The following PDE1C variants were observed in gnomAD, a reference collection of about 807,000 sequenced individuals.
PDE1C encodes the protein phosphodiesterase 1C.
In PDE1C, 62 loss-of-function variants were observed where a neutral mutation model predicts 93.1. The ratio of observed to expected loss-of-function variants is 0.67; its 90% CI spans 0.54 to 0.82. The LOEUF (loss-of-function observed/expected upper bound fraction) is 0.82, where lower values mean the gene tolerates loss of function less well. Ranked by LOEUF, PDE1C falls within the 40% of genes least tolerant of loss-of-function variation. The probability of loss-of-function intolerance (pLI) is 0.00; values close to 1 mark genes in which losing one functional copy is unlikely to be tolerated. For missense variants in PDE1C, 742 were observed against 884.6 expected (o/e 0.84, Z 2.04); for synonymous variants, 325 against 310.1 (o/e 1.05, Z -0.50).
intron 16 of PDE1C, among the ~76,000 whole-genome samples, chr7:31,778,550 A>G (rs1783173244): frequency 6.6e-6 from 1 of 152,014 alleles, no homozygotes; most frequent in Non-Finnish European, 1.5e-5. Context: ...GATCATAAAC[A>G]TCCTCCAGAT....
chr7:32,421,515 T>C (rs1785431954), intron 1 of PDE1C, among the ~76,000 whole-genome samples: 1 of 152,204 alleles, frequency 6.6e-6, no homozygotes, highest in Non-Finnish European at 1.5e-5. Flanking sequence ...ATCAATACAA[T>C]TTCCATTTTC....
intron 1 of PDE1C, among the ~76,000 whole-genome samples, chr7:32,352,187 C>T (rs1783963106): frequency 5.4e-3 from 1 of 186 alleles, no homozygotes; most frequent in Non-Finnish European, 9.8e-3. Flanking sequence ...TTACCTTGGG[C>T]AGTATGGCCA....
At chr7:31,894,707 A>T (rs1799056795) in intron 2 of PDE1C, among the ~76,000 whole-genome samples, 1 of 152,170 alleles carries the variant, frequency 6.6e-6, no homozygotes, top group African/African-American at 2.4e-5. Context: ...TGTCACCTAA[A>T]ACCCTAGTTC....
chr7:31,895,645 C>T (rs10237932), intron 2 of PDE1C, among the ~76,000 whole-genome samples: 10,421 of 149,260 alleles, frequency 0.07, 481 homozygotes, highest in Admixed American at 0.14. Context: ...TGTGTCCCCA[C>T]CCAATCTCAC....
intron 2 of PDE1C, among the ~76,000 whole-genome samples, chr7:32,171,971 A>G (rs1198849994): frequency 6.6e-6 from 1 of 150,698 alleles, no homozygotes; most frequent in Non-Finnish European, 1.5e-5. Flanking sequence ...TGTAGGCCGT[A>G]TGAGATCTCT....
At chr7:32,415,990 G>A (rs1785268440) in intron 1 of PDE1C, among the ~76,000 whole-genome samples, 2 of 152,186 alleles carry the variant, frequency 1.3e-5, no homozygotes, top group Admixed American at 6.5e-5. Context: ...AGCACAGAGG[G>A]CCCAGGTGCC....
At chr7:31,979,274 G>A (rs1052969528) in intron 2 of PDE1C, among the ~76,000 whole-genome samples, 3 of 152,130 alleles carry the variant, frequency 2.0e-5, no homozygotes, top group Non-Finnish European at 4.4e-5. Flanking sequence ...TTATCTTGGT[G>A]TTGTTACTTA....
chr7:32,033,566 G>A (rs1056892455), intron 2 of PDE1C, among the ~76,000 whole-genome samples: 31 of 151,944 alleles, frequency 2.0e-4, no homozygotes, highest in Admixed American at 1.9e-3. Flanking sequence ...AGTGGTTCCC[G>A]AGCACAGTCA....
chr7:31,823,803 CA>C (rs1789308601), intron 13 of PDE1C, among the ~76,000 whole-genome samples: 1 of 152,082 alleles, frequency 6.6e-6, no homozygotes, highest in African/African-American at 2.4e-5. Context: ...CTAGGTCATG[CA>C]AAAGACCTTA....
the PDE1C span, among the ~76,000 whole-genome samples, chr7:31,720,983 G>A: frequency 6.8e-4 from 104 of 152,156 alleles, 3 homozygotes; most frequent in Non-Finnish European, 2.5e-4. Flanking sequence ...TGCCACAAGA[G>A]GTTTAAAAAC....
the PDE1C span, among the ~76,000 whole-genome samples, chr7:31,666,161 T>C: frequency 2.0e-5 from 3 of 152,334 alleles, no homozygotes; most frequent in African/African-American, 7.2e-5. Context: ...TCTGTAAAGT[T>C]GGATGTTAGC....
chr7:32,207,165 C>T (rs1805634645), intron 2 of PDE1C, among the ~76,000 whole-genome samples: 1 of 152,114 alleles, frequency 6.6e-6, no homozygotes, highest in Non-Finnish European at 1.5e-5. Flanking sequence ...CCAGAAGCAG[C>T]CCTTCCCAAG....
chr7:32,118,949 A>G (rs1209357736), intron 3 of PDE1C, among the ~76,000 whole-genome samples: 1 of 152,238 alleles, frequency 6.6e-6, no homozygotes, highest in Non-Finnish European at 1.5e-5. Flanking sequence ...AACTTCTAGA[A>G]GAATTCCTCC....
intron 2 of PDE1C, among the ~76,000 whole-genome samples, chr7:31,982,543 T>C (rs961531467): frequency 7.9e-5 from 12 of 152,040 alleles, no homozygotes; most frequent in African/African-American, 2.9e-4. Flanking sequence ...ATTTTTTTAA[T>C]TTCCTCTTTT....
intron 3 of PDE1C, among the ~76,000 whole-genome samples, chr7:32,103,814 T>C (rs972588342): frequency 3.3e-5 from 5 of 152,128 alleles, no homozygotes; most frequent in Non-Finnish European, 7.4e-5. Flanking sequence ...GAGTAACTGA[T>C]ATCTACAGCG....
intron 1 of PDE1C, among the ~76,000 whole-genome samples, chr7:32,403,826 T>C (rs1562709193): frequency 1.3e-5 from 2 of 152,208 alleles, no homozygotes; most frequent in African/African-American, 4.8e-5. Flanking sequence ...ACCTGCAGCA[T>C]TGGGAACTGA....
chr7:32,303,039 G>C (rs182132767), upstream of PDE1C, among the ~76,000 whole-genome samples: 2 of 152,186 alleles, frequency 1.3e-5, no homozygotes, highest in East Asian at 3.8e-4. Context: ...TGCTCCTTTG[G>C]CTGTAATTGA....
At chr7:32,125,930 C>T (rs1447993104) in intron 3 of PDE1C, among the ~76,000 whole-genome samples, 1 of 151,758 alleles carries the variant, frequency 6.6e-6, no homozygotes, top group Non-Finnish European at 1.5e-5. Context: ...CCCTGCTGGT[C>T]ACATGCCTCA....
At chr7:32,007,985 G>A (rs1563183992) in intron 2 of PDE1C, among the ~76,000 whole-genome samples, 2 of 152,078 alleles carry the variant, frequency 1.3e-5, no homozygotes, top group African/African-American at 2.4e-5. Flanking sequence ...TAAGATAAGT[G>A]GTAAAAATGT....
Sources: allele counts gnomAD v4.1 joint callset (sites outside exome capture counted in the v4.1 genomes callset), GRCh38; gene constraint gnomAD v4.1.1; transcripts MANE v1.5; gene names NCBI Gene and HGNC (gene_info 2026-07-23, HGNC 2026-07-21).